DSP: variants seen among roughly 807,000 people sequenced by gnomAD.
DSP encodes the protein 250/210 kDa paraneoplastic pemphigus antigen.
In DSP, 114 loss-of-function variants were observed where a neutral mutation model predicts 290.6. The observed-to-expected ratio is 0.39, with a 90% CI of 0.34 to 0.46. The LOEUF (loss-of-function observed/expected upper bound fraction) is 0.46. Among genes scored for constraint, DSP ranks in the 20% least tolerant of loss-of-function variants. The pLI is 0.99. For missense variants in DSP, 3,230 were observed against 3,495.8 expected (o/e 0.92, Z 1.92); for synonymous variants, 1,311 against 1,316.4 (o/e 1.00, Z 0.09).
rs568161156 is a variant in DSP, at chr6:7,544,493, T to TTC, written c.170+2409_170+2410insCT. ...TTGTGGTTTTCTTTTCTTTCTTTCT[T>TTC]TTTTTTTTTTTAGCATGAAAACTAG... is the stretch of plus-strand genomic sequence containing the variant. On this transcript the variant is annotated intron_variant, in intron 1 of 23. Coordinates refer to ENST00000379802, the MANE Select transcript of DSP (RefSeq NM_004415.4). Among the ~76,000 whole-genome samples, 101 of 141,012 alleles carry TTC rather than the reference T, an allele frequency of 7.2e-4. 1 individual carries two copies. In the East Asian group the frequency reaches 0.011, roughly 15 times the overall value. The allele number at this position is 141,012 out of a possible 152,430, so 92.5% of individuals were successfully genotyped here.
In DSP at chr6:7,584,880, G is replaced by C; in HGVS notation, c.7618G>C (p.Asp2540His). 6.2e-7 allele frequency: 1 copy of C among 1,614,222 alleles called. No individual in the cohort carries two copies. Among genetic ancestry groups the C allele is most frequent in the Non-Finnish European group, 8.5e-7 (1 of 1,180,044 alleles). ...AGATGCTATTGACAAGGGCCTTGTT[G>C]ACAGGAAGTTCTTTGATCAGTACCG... ...IQDAIDKGLV[D>H]RKFFDQYRSG... The change falls in exon 24 of 24, where the codon GAC becomes CAC. Residue 2540 changes from aspartate (D) to histidine (H), a missense_variant. Physicochemically the swap from Asp to His is moderately conservative, Grantham distance 81. Around this residue, in one of 5 missense-constraint regions of DSP, gnomAD observed 582 missense variants for 555.4 expected, o/e 1.05. Transcript: ENST00000379802. This position sits in a 1 kb window ranked among gnomAD's most constrained non-coding sequence, Gnocchi z 6.4.
At position 7,582,634 on chromosome 6, in the gene DSP, A is replaced by C; in HGVS notation, c.5380-8A>C. ...ATTTTTTCCCATTTCTTTCTTCTTC[A>C]ATTCCAGGCATCTAATAGGATTCAG... is the stretch of plus-strand genomic sequence containing the variant. On this transcript the variant is annotated splice_polypyrimidine_tract_variant and splice_region_variant and intron_variant, in intron 23 of 23. Coordinates refer to ENST00000379802, the MANE Select transcript of DSP (RefSeq NM_004415.4). The surrounding 1 kb of genome is among the most constrained non-coding windows in gnomAD (Gnocchi z 4.2). 6.2e-7 allele frequency: 1 copy of C among 1,605,982 alleles called. No homozygotes were observed. The highest frequency in any genetic ancestry group is 8.5e-7 in the Non-Finnish European group (1 of 1,172,700).
rs1286275087 is a variant in DSP at position 7,585,099 on chromosome 6, C to T, written c.7837C>T (p.Leu2613=). The change falls in exon 24 of 24, where the codon CTG becomes TTG. Residue 2613 remains leucine (L), a synonymous_variant. Transcript: ENST00000379802. ...TIRSSSFSDT[L]EESSPIAAIF... ...AAGGAGCAGCTCTTTTTCAGACACCCTGGAAGAATCGAGCCCCATTGCAGC... is the reference window on the plus strand; with the variant it reads ...AAGGAGCAGCTCTTTTTCAGACACCTTGGAAGAATCGAGCCCCATTGCAGC... 4 of 1,614,126 alleles carry T rather than the reference C, an allele frequency of 2.5e-6. No homozygotes were observed. Among genetic ancestry groups the T allele is most frequent in the Middle Eastern group, 1.6e-4 (1 of 6,062 alleles).
chr6:7,548,008 G>A (rs370313233), intron 1 of DSP, among the ~76,000 whole-genome samples: 4 of 152,066 alleles, frequency 2.6e-5, no homozygotes, highest in African/African-American at 7.2e-5. Flanking sequence ...GGTGGCTCAC[G>A]CCTGTAATCC....
rs1366601691 is a variant in DSP at position 7,580,940 on chromosome 6, GC to G, written c.4751del (p.Ala1584GlyfsTer18). The G allele has an allele frequency of 6.2e-7, 1 of 1,613,962 alleles. No individual in the cohort carries two copies. Among genetic ancestry groups the G allele is most frequent in the African/African-American group, 1.3e-5 (1 of 74,910 alleles). On this transcript the variant is annotated frameshift_variant, in exon 23 of 24. Transcript: ENST00000379802. LOFTEE classifies it high-confidence loss of function. This position sits in a 1 kb window ranked among gnomAD's most constrained non-coding sequence, Gnocchi z 4.2. ...GGAGCTGAATCGGCTGAAGAGGACCGCGTCAGAAGACTCCTGCAAGAGGAAG... is the reference window on the plus strand; with the variant it reads ...GGAGCTGAATCGGCTGAAGAGGACCGGTCAGAAGACTCCTGCAAGAGGAAG... ...EEELNRLKRT[A>X]SEDSCKRKKL...
rs367999475 is a variant in DSP, at chr6:7,576,411, A to G, written c.2748A>G (p.Lys916=). The part of the protein sequence containing the change: ...KRRQDSLESM[K]FGDSNTVMRF... Reference sequence around the variant, plus strand: ...GCCAGGATTCCTTAGAATCCATGAAATTTGGAGATTCCAACACAGTCATGC... The same window carrying G: ...GCCAGGATTCCTTAGAATCCATGAAGTTTGGAGATTCCAACACAGTCATGC... The change falls in exon 19 of 24, where the codon AAA becomes AAG. Residue 916 remains lysine, a synonymous_variant. Coordinates refer to ENST00000379802, the MANE Select transcript of DSP (RefSeq NM_004415.4). 8.1e-6 allele frequency: 13 copies of G among 1,614,134 alleles called. No homozygotes were observed. Among genetic ancestry groups the G allele is most frequent in the Non-Finnish European group, 1.1e-5 (13 of 1,180,006 alleles).
At chr6:7,570,343 GT>G in intron 12 of DSP, 93 bp from the exon 13 acceptor site, 1 of 1,590,814 alleles carries the variant, frequency 6.3e-7, no homozygotes, top group Non-Finnish European at 8.6e-7. Flanking sequence ...ACTGTTGTAG[GT>G]TTTTGTGCAG....
At chr6:7,576,572 T>A in intron 19 of DSP, 116 bp downstream of exon 19, 1 of 1,344,954 alleles carries the variant, frequency 7.4e-7, no homozygotes, top group Non-Finnish European at 1.1e-6. Context: ...TTAATATTAC[T>A]AACCCATTTT....
chr6:7,568,215 G>C (rs946943661), intron 10 of DSP, among the ~76,000 whole-genome samples: 27 of 152,162 alleles, frequency 1.8e-4, no homozygotes, highest in Admixed American at 1.3e-4. Context: ...TTTCACACAA[G>C]GATGTTCTTC....
intron 4 of DSP, among the ~76,000 whole-genome samples, chr6:7,560,344 TATTC>T (rs1006659756): frequency 1.3e-5 from 2 of 152,230 alleles, no homozygotes; most frequent in African/African-American, 2.4e-5. Context: ...ACTAAACATT[TATTC>T]ATTCATTCAG....
In DSP at chr6:7,575,405, T is replaced by C; in HGVS notation, c.2547T>C (p.Tyr849=). The C allele has an allele frequency of 1.9e-6, 3 of 1,614,218 alleles. No individual in the cohort carries two copies. The highest frequency in any genetic ancestry group is 2.2e-5 in the South Asian group (2 of 91,084). ...HSQTSQQYPL[Y]DLDLGKFGEK... Reference sequence around the variant, plus strand: ...AGACTTCACAGCAGTATCCACTTTATGATCTGGACTTGGGCAAGTTCGGTG... The same window carrying C: ...AGACTTCACAGCAGTATCCACTTTACGATCTGGACTTGGGCAAGTTCGGTG... The change falls in exon 18 of 24, where the codon TAT becomes TAC. Residue 849 remains tyrosine (Y), a synonymous_variant. Transcript: ENST00000379802.
intron 1 of DSP, among the ~76,000 whole-genome samples, chr6:7,551,624 CT>C (rs1758344665): frequency 1.4e-5 from 2 of 139,730 alleles, no homozygotes; most frequent in Non-Finnish European, 3.1e-5. Context: ...AGTGAGACTC[CT>C]TCTCAAAAAA....
At chr6:7,566,148 C>T (rs1212772966) in intron 7 of DSP, among the ~76,000 whole-genome samples, 2 of 152,148 alleles carry the variant, frequency 1.3e-5, no homozygotes, top group African/African-American at 2.4e-5. Context: ...GGATGTAGCT[C>T]TTCTTTCCTC....
In DSP at chr6:7,565,251, C is replaced by T. The variant is rs1034306526; in HGVS notation, c.778-108C>T. On this transcript the variant is annotated intron_variant, in intron 6 of 23. Transcript: ENST00000379802. The surrounding 1 kb of genome is among the most constrained non-coding windows in gnomAD (Gnocchi z 4.2). The stretch of plus-strand genomic sequence containing the variant: ...GCACAAGGTTAACATTTTTCCTATC[C>T]GTGTGATTTTTTTTTTAAAGGGACC... 79 of 1,353,846 alleles carry T rather than the reference C, an allele frequency of 5.8e-5. No individual in the cohort carries two copies. The highest frequency in any genetic ancestry group is 8.0e-5 in the Non-Finnish European group (78 of 974,424). The allele number at this position is 1,353,846 out of a possible 1,614,324, so 83.9% of individuals were successfully genotyped here.
In DSP at chr6:7,579,156, T is replaced by C. The variant is rs1046231897; in HGVS notation, c.3085-119T>C. Reference sequence around the variant, plus strand: ...TTTGCCTAGTCACTCTTTGCATGTATGTCCATGTGTGTAAAGAGAAATAAG... The same window carrying C: ...TTTGCCTAGTCACTCTTTGCATGTACGTCCATGTGTGTAAAGAGAAATAAG... On this transcript the variant is annotated intron_variant, in intron 22 of 23. Transcript: ENST00000379802. The surrounding 1 kb of genome is among the most constrained non-coding windows in gnomAD (Gnocchi z 4.1). The C allele has an allele frequency of 1.6e-5, 22 of 1,380,652 alleles. No homozygotes were observed. Among genetic ancestry groups the C allele is most frequent in the Non-Finnish European group, 2.2e-5 (22 of 1,004,166 alleles). The allele number at this position is 1,380,652 out of a possible 1,614,324, so 85.5% of individuals were successfully genotyped here.
chr6:7,558,116 G>A lies in DSP; in HGVS notation c.274G>A (p.Glu92Lys). Residue 92 changes from glutamate (E) to lysine (K), a missense_variant and splice_region_variant, in exon 3 of 24, where the codon GAA becomes AAA. This residue lies in a region of DSP where 646 missense variants were observed against 684.3 expected (regional missense o/e 0.94). Coordinates refer to ENST00000379802, the MANE Select transcript of DSP (RefSeq NM_004415.4). ...CCTTCATGTGAGTGTTTTCTTTCAG[G>A]AATTGAAGTATGGAGATGGAATACA... The part of the protein sequence containing the change: ...LMRAELIVQP[E>K]LKYGDGIQLT... 2.5e-6 allele frequency: 4 copies of A among 1,614,202 alleles called. No individual in the cohort carries two copies. The South Asian group carries it at 3.3e-5, about 13-fold the overall frequency.
Position 7,565,239 on chromosome 6 carries a change from A to G in DSP, c.778-120A>G. On this transcript the variant is annotated intron_variant, in intron 6 of 23. Coordinates refer to ENST00000379802, the MANE Select transcript of DSP (RefSeq NM_004415.4). The surrounding 1 kb of genome is among the most constrained non-coding windows in gnomAD (Gnocchi z 4.2). ...TGGTCAGTGAATGCACAAGGTTAAC[A>G]TTTTTCCTATCCGTGTGATTTTTTT... The G allele has an allele frequency of 7.5e-7, 1 of 1,330,090 alleles. No individual in the cohort carries two copies. The allele number at this position is 1,330,090 out of a possible 1,614,324, so 82.4% of individuals were successfully genotyped here.
intron 15 of DSP, among the ~76,000 whole-genome samples, chr6:7,572,796 A>C (rs1759095634): frequency 6.6e-6 from 1 of 152,194 alleles, no homozygotes. Flanking sequence ...TTTGTCATGC[A>C]AGCGCCATAG....
intron 4 of DSP, 107 bp from the exon 5 acceptor site, chr6:7,562,545 T>A (rs1438472694): frequency 6.3e-7 from 1 of 1,583,062 alleles, no homozygotes; most frequent in Non-Finnish European, 8.6e-7. Context: ...ATACTCCATA[T>A]TTACATCTTT....
Sources: allele counts gnomAD v4.1 joint callset (sites outside exome capture counted in the v4.1 genomes callset), GRCh38; gene constraint gnomAD v4.1.1; regional missense constraint gnomAD v4.1.1; non-coding constraint Gnocchi (gnomAD v3.1); transcripts MANE v1.5; gene names NCBI Gene and HGNC (gene_info 2026-07-23, HGNC 2026-07-21).